Variants in CFAP97 observed in about 807,000 individuals in gnomAD.
The protein encoded by CFAP97 is cilia- and flagella-associated protein 97.
In CFAP97, 36 loss-of-function variants were observed where a neutral mutation model predicts 43.1. The ratio of observed to expected loss-of-function variants is 0.84; its 90% CI spans 0.64 to 1.10. The LOEUF (loss-of-function observed/expected upper bound fraction) is 1.10, where lower values mean the gene tolerates loss of function less well. Among genes scored for constraint, CFAP97 ranks in the 50% least tolerant of loss-of-function variants. The probability of loss-of-function intolerance (pLI) is 0.00; values close to 1 mark genes in which losing one functional copy is unlikely to be tolerated. For synonymous variants in CFAP97, 228 were observed against 225.7 expected (o/e 1.01, Z -0.09); for missense variants, 657 against 620.3 (o/e 1.06, Z -0.63).
upstream of CFAP97, among the ~76,000 whole-genome samples, chr4:185,208,738 A>T (rs1423335432): frequency 8.3e-6 from 1 of 120,882 alleles, no homozygotes; most frequent in East Asian, 1.9e-4. Flanking sequence ...AAAAAGAAAA[A>T]AAGAAAGAAA....
chr4:185,200,799 A>C (rs968622974), intron 1 of CFAP97, among the ~76,000 whole-genome samples: 2 of 152,174 alleles, frequency 1.3e-5, no homozygotes, highest in African/African-American at 4.8e-5. Context: ...AAAAGAAAAA[A>C]TAAGTGGTGC....
rs1225191113 is a variant in CFAP97 at position 185,175,382 on chromosome 4, T to C, written c.1320+404A>G. On this transcript the variant is annotated intron_variant, in intron 3 of 4. Coordinates refer to ENST00000458385, the MANE Select transcript of CFAP97 (RefSeq NM_020827.3). Reference sequence around the variant, plus strand: ...CCCGGGTTCAGATGCTCCTCCCACCTCAGCTTTCCAAGTATCTGGGACCAC... The same window carrying C: ...CCCGGGTTCAGATGCTCCTCCCACCCCAGCTTTCCAAGTATCTGGGACCAC... Among the ~76,000 whole-genome samples, 12 of 152,184 alleles carry C rather than the reference T, an allele frequency of 7.9e-5. No homozygotes were observed. In the East Asian group the frequency reaches 2.3e-3, roughly 29 times the overall value.
Position 185,190,385 on chromosome 4 carries a change from A to T in CFAP97, c.812T>A (p.Leu271Gln). The change falls in exon 2 of 5, where the codon CTG becomes CAG. Residue 271 changes from leucine (L) to glutamine (Q), a missense_variant. By Grantham distance (113) the Leu-to-Gln change is moderately radical (BLOSUM62 -2). Transcript: ENST00000458385. ...CACTTTTTGATCATTTGCTATGCCC[A>T]GTTCAAAAGACTGAAGAGGGCTAAT... ...PDISPLQSFE[L>Q]GIANDQKVKI... The T allele has an allele frequency of 6.2e-7, 1 of 1,611,694 alleles. No homozygotes were observed. The highest frequency in any genetic ancestry group is 2.2e-5 in the East Asian group (1 of 44,870).
intron 1 of CFAP97, among the ~76,000 whole-genome samples, chr4:185,200,520 AT>A (rs1057156858): frequency 6.6e-6 from 1 of 152,068 alleles, no homozygotes; most frequent in Non-Finnish European, 1.5e-5. Context: ...CATGTCTGTA[AT>A]CCCAGCTACT....
chr4:185,163,975 T>C (rs1254189455), intron 4 of CFAP97, 54 bp downstream of exon 4: 13 of 1,519,346 alleles, frequency 8.6e-6, no homozygotes, highest in Non-Finnish European at 1.2e-5. Flanking sequence ...TACGTTTTTT[T>C]AAAAAAAGGA....
upstream of CFAP97, chr4:185,207,723 A>G (rs1390177053): frequency 1.3e-5 from 2 of 152,210 alleles, no homozygotes; most frequent in African/African-American, 4.8e-5. Context: ...AATGTTGAGC[A>G]TGTCATCTTA....
At position 185,162,730 on chromosome 4, in the gene CFAP97, A is replaced by T; in HGVS notation, c.*68T>A. 6.7e-7 allele frequency: 1 copy of T among 1,503,122 alleles called. No homozygotes were observed. The highest frequency in any genetic ancestry group is 9.1e-7 in the Non-Finnish European group (1 of 1,094,078). 93.1% of individuals were successfully genotyped at this position (1,503,122 alleles called of 1,614,324 possible). On this transcript the variant is annotated 3_prime_UTR_variant, in exon 5 of 5. Transcript: ENST00000458385. Reference sequence around the variant, plus strand: ...CGGTATTCTAGATGTTTACACAGAGAATTATAGGAATATGCACGAGCACTT... The same window carrying T: ...CGGTATTCTAGATGTTTACACAGAGTATTATAGGAATATGCACGAGCACTT...
chr4:185,164,003 T>C (rs1734971613), intron 4 of CFAP97, 26 bp downstream of exon 4: 3 of 1,598,858 alleles, frequency 1.9e-6, no homozygotes, highest in Non-Finnish European at 2.6e-6. Context: ...TACAAATAAG[T>C]ATAAAATAAT....
intron 3 of CFAP97, among the ~76,000 whole-genome samples, chr4:185,165,886 A>G (rs957527345): frequency 6.6e-6 from 1 of 152,148 alleles, no homozygotes; most frequent in Non-Finnish European, 1.5e-5. Context: ...GAAGGAACAG[A>G]TGGTGGAAGA....
chr4:185,202,201 T>C (rs908335215), intron 1 of CFAP97, among the ~76,000 whole-genome samples: 7 of 152,174 alleles, frequency 4.6e-5, no homozygotes, highest in African/African-American at 1.4e-4. Context: ...GATTGAGCCA[T>C]GCTCTTTGCT....
At chr4:185,183,540 A>G (rs1175900487) in intron 2 of CFAP97, among the ~76,000 whole-genome samples, 2 of 152,250 alleles carry the variant, frequency 1.3e-5, no homozygotes, top group African/African-American at 4.8e-5. Flanking sequence ...TCCACCTACC[A>G]TGACCACAGT....
chr4:185,207,279 C>T (rs532356203), upstream of CFAP97, among the ~76,000 whole-genome samples: 2 of 126,320 alleles, frequency 1.6e-5, no homozygotes, highest in South Asian at 2.5e-4. Context: ...TGCAGTGGTG[C>T]GATCTCGGCT....
intron 1 of CFAP97, among the ~76,000 whole-genome samples, chr4:185,195,918 C>A (rs1044983322): frequency 6.6e-6 from 1 of 152,126 alleles, no homozygotes; most frequent in African/African-American, 2.4e-5. Flanking sequence ...ACTGTGGATA[C>A]CCCACAGTGT....
At chr4:185,200,359 G>A (rs1431030026) in intron 1 of CFAP97, among the ~76,000 whole-genome samples, 1 of 152,232 alleles carries the variant, frequency 6.6e-6, no homozygotes, top group Non-Finnish European at 1.5e-5. Context: ...TACAAAATTA[G>A]CTGGGCACGG....
chr4:185,174,097 C>T (rs1735421049), intron 3 of CFAP97, among the ~76,000 whole-genome samples: 2 of 152,296 alleles, frequency 1.3e-5, no homozygotes, highest in Admixed American at 6.5e-5. Context: ...CTCAGTGTCT[C>T]TTTTACTCTT....
At chr4:185,170,830 C>G (rs1735271352) in intron 3 of CFAP97, among the ~76,000 whole-genome samples, 1 of 150,918 alleles carries the variant, frequency 6.6e-6, no homozygotes, top group Non-Finnish European at 1.5e-5. Flanking sequence ...ACTAAAAATA[C>G]AAAAATTAGC....
intron 1 of CFAP97, among the ~76,000 whole-genome samples, chr4:185,202,981 G>A (rs1290572671): frequency 1.3e-5 from 2 of 152,202 alleles, no homozygotes; most frequent in Non-Finnish European, 2.9e-5. Flanking sequence ...AACAGACTAG[G>A]AAAGGATAAA....
upstream of CFAP97, among the ~76,000 whole-genome samples, chr4:185,204,797 G>A (rs1455466535): frequency 6.6e-6 from 1 of 152,220 alleles, no homozygotes; most frequent in African/African-American, 2.4e-5. Context: ...CAGAGGCAAT[G>A]AGCCAAGGAG....
upstream of CFAP97, among the ~76,000 whole-genome samples, chr4:185,207,120 C>T (rs1402334635): frequency 6.6e-6 from 1 of 151,098 alleles, no homozygotes; most frequent in Non-Finnish European, 1.5e-5. Context: ...CAGGGGCAAT[C>T]TTCTTGGGAA....
Sources: allele counts gnomAD v4.1 joint callset (sites outside exome capture counted in the v4.1 genomes callset), GRCh38; gene constraint gnomAD v4.1.1; transcripts MANE v1.5; gene names NCBI Gene and HGNC (gene_info 2026-07-23, HGNC 2026-07-21).